Variants in DUSP22 observed in about 807,000 individuals in gnomAD.
DUSP22 encodes the protein dual specificity phosphatase 22, also known as dual specificity protein phosphatase 22.
Under a neutral mutation model 24.5 loss-of-function variants are expected in DUSP22, and 24 were observed. The ratio of observed to expected loss-of-function variants is 0.98; its 90% CI spans 0.71 to 1.38. DUSP22 has a LOEUF of 1.38. Ranked by LOEUF, DUSP22 falls within the 40% of genes most tolerant of loss-of-function variation. The pLI, the probability that DUSP22 is intolerant of heterozygous loss-of-function variation, is 0.00. For missense variants in DUSP22, 330 were observed against 269.2 expected (o/e 1.23, Z -1.58); for synonymous variants, 160 against 106.4 (o/e 1.50, Z -3.10).
At chr6:311,133 G>A (rs1249018552) in intron 2 of DUSP22, among the ~76,000 whole-genome samples, 2 of 152,310 alleles carry the variant, frequency 1.3e-5, no homozygotes, top group Non-Finnish European at 2.9e-5. Context: ...TTGGTTTATA[G>A]AAATAACATT....
chr6:313,986 T>C (rs914874034), intron 3 of DUSP22, among the ~76,000 whole-genome samples: 5 of 152,298 alleles, frequency 3.3e-5, no homozygotes, highest in Non-Finnish European at 7.3e-5. Flanking sequence ...TCCAGATCCA[T>C]AAGCTGTGTC....
chr6:317,139 A>G (rs2127401212), intron 3 of DUSP22, among the ~76,000 whole-genome samples: 1 of 152,428 alleles, frequency 6.6e-6, no homozygotes, highest in African/African-American at 2.4e-5. Flanking sequence ...TCTGGTTGTT[A>G]ACTGTGTGCC....
At chr6:338,954 T>A (rs1759478775) in intron 4 of DUSP22, among the ~76,000 whole-genome samples, 1 of 152,308 alleles carries the variant, frequency 6.6e-6, no homozygotes, top group Non-Finnish European at 1.5e-5. Flanking sequence ...CAAATCTCCC[T>A]CTCTGATCTT....
At chr6:294,945 G>C (rs1229462663) in intron 1 of DUSP22, among the ~76,000 whole-genome samples, 1 of 152,280 alleles carries the variant, frequency 6.6e-6, no homozygotes, top group African/African-American at 2.4e-5. Context: ...CATGTTTAAC[G>C]TGAGATCAGG....
intron 5 of DUSP22, 117 bp from the exon 6 acceptor site, chr6:347,985 TC>T: frequency 6.8e-7 from 1 of 1,471,594 alleles, no homozygotes; most frequent in Non-Finnish European, 9.3e-7. Context: ...CCACATATAA[TC>T]CAAGGCAGGA....
intron 2 of DUSP22, among the ~76,000 whole-genome samples, chr6:309,734 A>C (rs943907548): frequency 6.6e-6 from 1 of 152,090 alleles, no homozygotes; most frequent in Non-Finnish European, 1.5e-5. Context: ...TAAAGAAGGA[A>C]GAAAACCCTT....
chr6:327,287 G>A (rs1294621222), intron 3 of DUSP22, among the ~76,000 whole-genome samples: 7 of 152,306 alleles, frequency 4.6e-5, no homozygotes, highest in Admixed American at 3.9e-4. Context: ...CTGTGTGGGA[G>A]CGTGCACTCA....
At chr6:322,830 T>TGGG (rs61690495) in intron 3 of DUSP22, among the ~76,000 whole-genome samples, 3 of 18,816 alleles carry the variant, frequency 1.6e-4, no homozygotes, top group South Asian at 2.4e-3. Flanking sequence ...GGCTGCTTGG[T>TGGG]GGGGCGGGGG....
In DUSP22 at chr6:311,938, C is replaced by T. The variant is rs11242786; in HGVS notation, c.114C>T (p.His38=). ...KNKVTHILSV[H]DSARPMLEGV... ...AGGTGACACATATTCTGTCTGTCCA[C>T]GATAGTGCCAGGCCTATGTTGGAGG... The change falls in exon 3 of 7, where the codon CAC becomes CAT. Residue 38 remains histidine, a synonymous_variant. Coordinates refer to ENST00000419235, the MANE Select transcript of DUSP22 (RefSeq NM_001286555.3). 131,234 of 1,524,898 alleles carry T rather than the reference C, an allele frequency of 0.086. 601 individuals carry two copies. The highest frequency in any genetic ancestry group is 0.1 in the Non-Finnish European group (113,769 of 1,104,082). The allele number at this position is 1,524,898 out of a possible 1,614,324, so 94.5% of individuals were successfully genotyped here. A position where few individuals can be genotyped will look rare whatever the true frequency, so the allele number is the denominator to read the frequency against.
chr6:328,333 TC>T (rs1419490948), intron 3 of DUSP22, among the ~76,000 whole-genome samples: 1 of 152,306 alleles, frequency 6.6e-6, no homozygotes, highest in Non-Finnish European at 1.5e-5. Flanking sequence ...CTCACTGCCT[TC>T]CCATAACCCA....
chr6:348,333 A>G (rs907623947), intron 6 of DUSP22, 59 bp downstream of exon 6: 19 of 1,604,630 alleles, frequency 1.2e-5, no homozygotes, highest in East Asian at 4.5e-5. Context: ...CGGTGCCCAC[A>G]GTCTTTCCGT....
chr6:299,981 G>C (rs559842456), intron 1 of DUSP22, among the ~76,000 whole-genome samples: 1 of 152,426 alleles, frequency 6.6e-6, no homozygotes, highest in East Asian at 1.9e-4. Context: ...ATGTTGACTT[G>C]AGTACCTACC....
intron 3 of DUSP22, among the ~76,000 whole-genome samples, chr6:326,670 C>G (rs1173203669): frequency 2.0e-5 from 3 of 152,308 alleles, no homozygotes; most frequent in African/African-American, 7.2e-5. Flanking sequence ...CAAATCCTGT[C>G]TACTACCATT....
chr6:304,461 C>T (rs1757728598), intron 1 of DUSP22, among the ~76,000 whole-genome samples, 167 bp from the exon 2 acceptor site: 1 of 152,306 alleles, frequency 6.6e-6, no homozygotes, highest in African/African-American at 2.4e-5. Flanking sequence ...CCACGGCCTT[C>T]CACAGGCCGC....
chr6:315,218 C>T (rs1001125279), intron 3 of DUSP22, among the ~76,000 whole-genome samples: 52 of 152,408 alleles, frequency 3.4e-4, no homozygotes, highest in South Asian at 4.1e-4. Context: ...AACCTGGGGA[C>T]CTTCAAGCTC....
At chr6:327,350 G>A (rs771390363) in intron 3 of DUSP22, among the ~76,000 whole-genome samples, 17 of 152,416 alleles carry the variant, frequency 1.1e-4, no homozygotes, top group East Asian at 5.8e-4. Flanking sequence ...GGTGGAGGCC[G>A]GCCCGCACTG....
chr6:341,932 G>A (rs1759626323), intron 4 of DUSP22, among the ~76,000 whole-genome samples: 1 of 152,302 alleles, frequency 6.6e-6, no homozygotes, highest in Non-Finnish European at 1.5e-5. Flanking sequence ...GATGTGGCAA[G>A]GCTGACTCTT....
At chr6:302,383 C>T (rs1218385383) in intron 1 of DUSP22, among the ~76,000 whole-genome samples, 1 of 152,312 alleles carries the variant, frequency 6.6e-6, no homozygotes, top group Non-Finnish European at 1.5e-5. Context: ...CGCCTTCTCT[C>T]CACCTCTCTC....
At chr6:318,199 A>G (rs1758421434) in intron 3 of DUSP22, among the ~76,000 whole-genome samples, 2 of 152,306 alleles carry the variant, frequency 1.3e-5, no homozygotes, top group Admixed American at 1.3e-4. Flanking sequence ...CTAGAGAGCT[A>G]CCTTTGCTTG....
Sources: allele counts gnomAD v4.1 joint callset (sites outside exome capture counted in the v4.1 genomes callset), GRCh38; gene constraint gnomAD v4.1.1; transcripts MANE v1.5; gene names NCBI Gene and HGNC (gene_info 2026-07-23, HGNC 2026-07-21).